Variants in TAFA1 observed in about 807,000 individuals in gnomAD.
TAFA1 encodes TAFA chemokine like family member 1.
Under a neutral mutation model 18.5 loss-of-function variants are expected in TAFA1, and 4 were observed. That is an observed-to-expected ratio of 0.22 (90% CI 0.11 to 0.49). TAFA1 has a LOEUF of 0.49. Among genes scored for constraint, TAFA1 ranks in the 20% least tolerant of loss-of-function variants. The pLI is 0.98. For synonymous variants in TAFA1, 56 were observed against 55.2 expected, an observed-to-expected ratio of 1.01 and a Z score of -0.06; for missense variants, 147 against 169.0, an observed-to-expected ratio of 0.87 and a Z score of 0.72.
intron 2 of TAFA1, among the ~76,000 whole-genome samples, chr3:68,138,400 C>T (rs1371219012): frequency 6.6e-6 from 1 of 152,162 alleles, no homozygotes; most frequent in African/African-American, 2.4e-5. Context: ...AGGAAAGTAA[C>T]ATATTGTACA....
intron 2 of TAFA1, among the ~76,000 whole-genome samples, chr3:68,051,582 C>T (rs1221243901): frequency 1.3e-5 from 2 of 152,096 alleles, no homozygotes; most frequent in Non-Finnish European, 2.9e-5. Flanking sequence ...AAAGGCTTAC[C>T]TGGCTCGAAA....
chr3:68,222,374 A>G (rs2107095681), intron 2 of TAFA1, among the ~76,000 whole-genome samples: 1 of 152,318 alleles, frequency 6.6e-6, no homozygotes, highest in African/African-American at 2.4e-5. Context: ...GGAAATAAGA[A>G]TTGGTCTTTT....
chr3:68,184,767 T>C (rs896669978), intron 2 of TAFA1, among the ~76,000 whole-genome samples: 1 of 152,146 alleles, frequency 6.6e-6, no homozygotes, highest in Non-Finnish European at 1.5e-5. Context: ...GAATGTTGAC[T>C]GCCATATGTA....
intron 2 of TAFA1, among the ~76,000 whole-genome samples, chr3:68,110,160 T>C (rs1252487087): frequency 6.6e-6 from 1 of 152,104 alleles, no homozygotes; most frequent in African/African-American, 2.4e-5. Flanking sequence ...CCAGTGGGTG[T>C]TGTTTCCCCT....
At chr3:68,230,836 C>G (rs1479472630) in intron 2 of TAFA1, among the ~76,000 whole-genome samples, 1 of 152,030 alleles carries the variant, frequency 6.6e-6, no homozygotes, top group Non-Finnish European at 1.5e-5. Flanking sequence ...AGACAATATC[C>G]CATTGTGGTT....
intron 2 of TAFA1, among the ~76,000 whole-genome samples, chr3:68,240,106 G>A (rs766245728): frequency 6.6e-6 from 1 of 152,150 alleles, no homozygotes; most frequent in East Asian, 1.9e-4. Flanking sequence ...TGCCAATCCA[G>A]TGTTTTCTCT....
rs370863569 is a variant in TAFA1 at position 68,381,206 on chromosome 3, T to A, written c.119-36074T>A. Among the ~76,000 whole-genome samples the A allele has an allele frequency of 7.9e-4, 119 of 150,920 alleles. 3 individuals carry two copies. In the South Asian group the frequency reaches 0.013, roughly 16 times the overall value. ...TATAGTTTGAAGTCAGGTAGCATGA[T>A]GCCTCCAGCTTTGTTCTTTTGGCTT... On this transcript the variant is annotated intron_variant, in intron 2 of 4. Coordinates refer to ENST00000478136, the MANE Select transcript of TAFA1 (RefSeq NM_213609.4).
chr3:68,333,843 C>T (rs948794939), intron 2 of TAFA1, among the ~76,000 whole-genome samples: 2 of 152,128 alleles, frequency 1.3e-5, no homozygotes, highest in African/African-American at 4.8e-5. Context: ...GGAAATTCTG[C>T]CATCAATTAC....
chr3:68,375,165 T>C (rs990685301), intron 2 of TAFA1, among the ~76,000 whole-genome samples: 1 of 152,164 alleles, frequency 6.6e-6, no homozygotes, highest in Non-Finnish European at 1.5e-5. Context: ...TAAATAGCCT[T>C]CTAGCCTCAT....
chr3:68,232,084 C>T (rs761825824), intron 2 of TAFA1, among the ~76,000 whole-genome samples: 1 of 152,128 alleles, frequency 6.6e-6, no homozygotes, highest in Non-Finnish European at 1.5e-5. Flanking sequence ...TTCAAACTCT[C>T]TTCTAGATAC....
chr3:68,398,155 A>G (rs2070420134), intron 2 of TAFA1, among the ~76,000 whole-genome samples: 1 of 152,170 alleles, frequency 6.6e-6, no homozygotes, highest in Non-Finnish European at 1.5e-5. Flanking sequence ...GCATCACACT[A>G]CCTGACTTCA....
At chr3:68,056,580 T>G (rs1220194018) in intron 2 of TAFA1, among the ~76,000 whole-genome samples, 1 of 152,106 alleles carries the variant, frequency 6.6e-6, no homozygotes. Context: ...AGAAACATTA[T>G]TAAGCCAGAT....
At chr3:68,252,519 G>A (rs1046326574) in intron 2 of TAFA1, among the ~76,000 whole-genome samples, 18 of 152,284 alleles carry the variant, frequency 1.2e-4, no homozygotes, top group Non-Finnish European at 2.2e-4. Flanking sequence ...TTTGGATGGG[G>A]CAAGAGCTCT....
chr3:68,210,758 A>G (rs78377501), intron 2 of TAFA1, among the ~76,000 whole-genome samples: 6,663 of 152,098 alleles, frequency 0.044, 214 homozygotes, highest in East Asian at 0.15. Flanking sequence ...TGGAGGTAGT[A>G]TATTGGTTAT....
intron 2 of TAFA1, among the ~76,000 whole-genome samples, chr3:68,390,734 C>A (rs1316593686): frequency 1.3e-5 from 2 of 152,174 alleles, no homozygotes; most frequent in African/African-American, 2.4e-5. Flanking sequence ...AGACCTCCAG[C>A]AAACTCCAGC....
chr3:68,306,642 G>C (rs777451260), intron 2 of TAFA1, among the ~76,000 whole-genome samples: 1 of 152,164 alleles, frequency 6.6e-6, no homozygotes, highest in Non-Finnish European at 1.5e-5. Context: ...TCTCCGAGGA[G>C]CTAAAGCTGG....
intron 2 of TAFA1, among the ~76,000 whole-genome samples, chr3:68,296,996 C>T (rs1308472405): frequency 6.6e-6 from 1 of 151,952 alleles, no homozygotes; most frequent in Non-Finnish European, 1.5e-5. Flanking sequence ...TTAACCAGCC[C>T]ATAGGAGAGA....
At chr3:68,358,821 A>G (rs1012827742) in intron 2 of TAFA1, among the ~76,000 whole-genome samples, 5 of 151,934 alleles carry the variant, frequency 3.3e-5, no homozygotes, top group Non-Finnish European at 4.4e-5. Flanking sequence ...GAAGATGATA[A>G]TCCTTCTATG....
At chr3:68,081,087 T>C (rs1470243894) in intron 2 of TAFA1, among the ~76,000 whole-genome samples, 1 of 152,212 alleles carries the variant, frequency 6.6e-6, no homozygotes, top group Non-Finnish European at 1.5e-5. Context: ...TGATACCCTT[T>C]CTTCCAGTTG....
Sources: allele counts gnomAD v4.1 joint callset (sites outside exome capture counted in the v4.1 genomes callset), GRCh38; gene constraint gnomAD v4.1.1; transcripts MANE v1.5; gene names NCBI Gene and HGNC (gene_info 2026-07-23, HGNC 2026-07-21).